TBC1D32: variants seen among roughly 807,000 people sequenced by gnomAD.
The protein encoded by TBC1D32 is TBC1 domain family member 32, also known as protein broad-minded.
A neutral mutation model predicts 170.3 loss-of-function variants in TBC1D32; 151 were observed. That is an observed-to-expected ratio of 0.89 (90% CI 0.78 to 1.01). The LOEUF is 1.01. Ranked by LOEUF, TBC1D32 falls within the 50% of genes least tolerant of loss-of-function variation. The probability of loss-of-function intolerance (pLI) is 0.00; values close to 1 mark genes in which losing one functional copy is unlikely to be tolerated. For synonymous variants in TBC1D32, 498 were observed against 488.0 expected (o/e 1.02, Z -0.27); for missense variants, 1,464 against 1,457.1 (o/e 1.00, Z -0.08).
At chr6:121,307,762 G>A (rs1807550925) in intron 5 of TBC1D32, among the ~76,000 whole-genome samples, 2 of 152,146 alleles carry the variant, frequency 1.3e-5, no homozygotes, top group Admixed American at 1.3e-4. Context: ...TCAGGAGGCT[G>A]AGGCAGGAGA....
At chr6:121,329,491 A>C (rs527466099) in intron 1 of TBC1D32, among the ~76,000 whole-genome samples, 1 of 152,208 alleles carries the variant, frequency 6.6e-6, no homozygotes, top group African/African-American at 2.4e-5. Context: ...GTCTCTACTA[A>C]AAATACAAAA....
At chr6:121,250,708 C>T (rs1437376205) in intron 17 of TBC1D32, among the ~76,000 whole-genome samples, 1 of 151,996 alleles carries the variant, frequency 6.6e-6, no homozygotes, top group African/African-American at 2.4e-5. Flanking sequence ...ACCACTCCTA[C>T]TGAACATAGT....
intron 24 of TBC1D32, among the ~76,000 whole-genome samples, chr6:121,151,429 T>C (rs980767952): frequency 2.6e-5 from 4 of 152,192 alleles, no homozygotes; most frequent in African/African-American, 9.7e-5. Flanking sequence ...AATTATGTGG[T>C]TGATTTTAGA....
At chr6:121,211,073 GA>G (rs1417157871) in intron 21 of TBC1D32, among the ~76,000 whole-genome samples, 2 of 151,978 alleles carry the variant, frequency 1.3e-5, no homozygotes, top group Non-Finnish European at 2.9e-5. Flanking sequence ...AGACTTGAAA[GA>G]ACCCAAGTGT....
At chr6:121,150,218 A>G (rs1350784733) in intron 24 of TBC1D32, among the ~76,000 whole-genome samples, 1 of 152,188 alleles carries the variant, frequency 6.6e-6, no homozygotes, top group African/African-American at 2.4e-5. Context: ...AGTTTTTAGC[A>G]TGAAGGGGTG....
rs1040120492 is a variant in TBC1D32 at position 121,198,256 on chromosome 6, A to G, written c.2570+6819T>C. On this transcript the variant is annotated intron_variant, in intron 22 of 31. Transcript: ENST00000398212. ...ATATAAATATATATATTATATATAT[A>G]TATAATATATATATATAATATACAC... Among the ~76,000 whole-genome samples the G allele has an allele frequency of 4.3e-4, 62 of 142,552 alleles. 2 individuals carry two copies. Among genetic ancestry groups the G allele is most frequent in the South Asian group, 1.1e-3 (5 of 4,726 alleles). 93.5% of individuals were successfully genotyped at this position (142,552 alleles called of 152,430 possible). A position where few individuals can be genotyped will look rare whatever the true frequency, so the allele number is the denominator to read the frequency against.
At chr6:121,195,336 G>C (rs1315015696) in intron 22 of TBC1D32, among the ~76,000 whole-genome samples, 2 of 152,184 alleles carry the variant, frequency 1.3e-5, no homozygotes, top group African/African-American at 4.8e-5. Context: ...AATCACAGCA[G>C]AGGCCTCTAG....
intron 26 of TBC1D32, among the ~76,000 whole-genome samples, chr6:121,125,743 T>G (rs1287175575): frequency 6.6e-6 from 1 of 152,082 alleles, no homozygotes; most frequent in Non-Finnish European, 1.5e-5. Flanking sequence ...TGCTATGAGA[T>G]AGAAGCTGGA....
intron 21 of TBC1D32, among the ~76,000 whole-genome samples, chr6:121,212,954 T>C (rs557964510): frequency 6.6e-6 from 1 of 152,106 alleles, no homozygotes; most frequent in South Asian, 2.1e-4. Flanking sequence ...AAAAACCAAA[T>C]GATTATCTCA....
intron 24 of TBC1D32, among the ~76,000 whole-genome samples, chr6:121,146,657 C>T (rs1036496366): frequency 8.5e-5 from 13 of 152,274 alleles, no homozygotes; most frequent in African/African-American, 3.1e-4. Flanking sequence ...CAGTCATCTG[C>T]AGTTATATTC....
chr6:121,184,783 C>A (rs749119189), intron 22 of TBC1D32, among the ~76,000 whole-genome samples: 1 of 151,720 alleles, frequency 6.6e-6, no homozygotes, highest in South Asian at 2.1e-4. Context: ...AATAACTATT[C>A]TTATTTTGTG....
intron 24 of TBC1D32, among the ~76,000 whole-genome samples, chr6:121,142,928 A>G (rs1364130165): frequency 6.6e-6 from 1 of 152,188 alleles, no homozygotes; most frequent in African/African-American, 2.4e-5. Flanking sequence ...AACAGCTCCT[A>G]ACATGCTAAC....
chr6:121,311,788 T>G (rs1186990426), intron 3 of TBC1D32, among the ~76,000 whole-genome samples: 2 of 151,496 alleles, frequency 1.3e-5, no homozygotes, highest in East Asian at 1.9e-4. Flanking sequence ...GAAATAGGAA[T>G]GCTTTTACAG....
intron 15 of TBC1D32, among the ~76,000 whole-genome samples, chr6:121,259,344 G>T (rs1799463670): frequency 6.6e-6 from 1 of 151,798 alleles, no homozygotes; most frequent in Non-Finnish European, 1.5e-5. Context: ...TAAAGATAAT[G>T]ATTGGGAAAA....
intron 21 of TBC1D32, among the ~76,000 whole-genome samples, chr6:121,209,667 C>G (rs1395322145): frequency 6.6e-6 from 1 of 152,190 alleles, no homozygotes; most frequent in African/African-American, 2.4e-5. Context: ...CAGGGTCACA[C>G]AACTAGTAAG....
chr6:121,233,724 C>A (rs965733809), intron 20 of TBC1D32, among the ~76,000 whole-genome samples: 1 of 152,052 alleles, frequency 6.6e-6, no homozygotes, highest in African/African-American at 2.4e-5. Flanking sequence ...AGTATTGAGA[C>A]GTGAGGTACT....
At chr6:121,147,025 TG>T (rs1310708151) in intron 24 of TBC1D32, among the ~76,000 whole-genome samples, 1 of 152,098 alleles carries the variant, frequency 6.6e-6, no homozygotes, top group African/African-American at 2.4e-5. Flanking sequence ...TATCTTTATG[TG>T]TATGTGTTTT....
At chr6:121,276,954 T>C (rs1246929617) in intron 15 of TBC1D32, among the ~76,000 whole-genome samples, 2 of 152,194 alleles carry the variant, frequency 1.3e-5, no homozygotes, top group African/African-American at 4.8e-5. Flanking sequence ...AATTCACTAA[T>C]ATAGCTGGAG....
At chr6:121,178,568 C>T (rs1256807412) in intron 22 of TBC1D32, among the ~76,000 whole-genome samples, 3 of 152,098 alleles carry the variant, frequency 2.0e-5, no homozygotes, top group Non-Finnish European at 2.9e-5. Flanking sequence ...TCTGCATTGT[C>T]CAGATTCTTA....
Sources: allele counts gnomAD v4.1 joint callset (sites outside exome capture counted in the v4.1 genomes callset), GRCh38; gene constraint gnomAD v4.1.1; transcripts MANE v1.5; gene names NCBI Gene and HGNC (gene_info 2026-07-23, HGNC 2026-07-21).